BMAL2: variants seen among roughly 807,000 people sequenced by gnomAD.
The protein encoded by BMAL2 is basic helix-loop-helix ARNT like 2.
chr12:27,390,188 A>G, the BMAL2 span: 1 of 1,613,984 alleles, frequency 6.2e-7, no homozygotes, highest in East Asian at 2.2e-5. Context: ...AAAGAGTTGT[A>G]AAATCTCTGT....
chr12:27,395,414 C>T, the BMAL2 span, among the ~76,000 whole-genome samples: 2 of 152,172 alleles, frequency 1.3e-5, no homozygotes, highest in Admixed American at 6.5e-5. Context: ...GTCTAATAAT[C>T]TGCGGACTTT....
the BMAL2 span, chr12:27,385,368 G>A: frequency 3.3e-6 from 2 of 604,670 alleles, no homozygotes; most frequent in South Asian, 2.2e-5. Context: ...TACAGAAAAT[G>A]TCTTAGAATG....
chr12:27,361,517 C>G, the BMAL2 span, among the ~76,000 whole-genome samples: 6 of 152,064 alleles, frequency 3.9e-5, no homozygotes, highest in African/African-American at 9.7e-5. Flanking sequence ...CAAGGAAAGA[C>G]AATATCAAAA....
the BMAL2 span, among the ~76,000 whole-genome samples, chr12:27,417,021 ATTAT>A: frequency 5.9e-5 from 9 of 152,162 alleles, no homozygotes; most frequent in African/African-American, 2.2e-4. Flanking sequence ...CTTCTGCTTT[ATTAT>A]TTATTCATTT....
At chr12:27,395,478 A>G in the BMAL2 span, among the ~76,000 whole-genome samples, 1 of 152,204 alleles carries the variant, frequency 6.6e-6, no homozygotes, top group Non-Finnish European at 1.5e-5. Context: ...GTGGAACTGC[A>G]TAGCCCTGCT....
chr12:27,334,480 A>G, the BMAL2 span, among the ~76,000 whole-genome samples: 5 of 152,342 alleles, frequency 3.3e-5, no homozygotes, highest in South Asian at 4.1e-4. Flanking sequence ...TACAACTTCA[A>G]TTTGCTTTGT....
At chr12:27,402,213 CT>C in the BMAL2 span, among the ~76,000 whole-genome samples, 1 of 151,912 alleles carries the variant, frequency 6.6e-6, no homozygotes, top group African/African-American at 2.4e-5. Context: ...GTAAGTCTTA[CT>C]TTTTTTCTGT....
At chr12:27,418,265 C>CA in the BMAL2 span, 2 of 1,051,752 alleles carry the variant, frequency 1.9e-6, no homozygotes, top group Non-Finnish European at 2.8e-6. Context: ...ACTATGTTTT[C>CA]AGGCACAGGA....
At chr12:27,405,218 A>C in the BMAL2 span, among the ~76,000 whole-genome samples, 1 of 152,210 alleles carries the variant, frequency 6.6e-6, no homozygotes, top group African/African-American at 2.4e-5. Flanking sequence ...TGCAGACTTA[A>C]ATGTCCCTGT....
the BMAL2 span, among the ~76,000 whole-genome samples, chr12:27,398,383 C>T: frequency 1.8e-4 from 28 of 152,064 alleles, no homozygotes; most frequent in Admixed American, 1.1e-3. Flanking sequence ...CCTGTGGAGC[C>T]GATGTAAGTA....
At chr12:27,391,161 GTAGA>G in the BMAL2 span, among the ~76,000 whole-genome samples, 42 of 152,154 alleles carry the variant, frequency 2.8e-4, no homozygotes, top group Non-Finnish European at 5.3e-4. Context: ...ATAGTACCCA[GTAGA>G]TAGTTTTTCA....
chr12:27,389,230 G>A, the BMAL2 span: 1 of 1,612,992 alleles, frequency 6.2e-7, no homozygotes, highest in Non-Finnish European at 8.5e-7. Context: ...AAAAGATGTT[G>A]CCAAAGTAAA....
the BMAL2 span, among the ~76,000 whole-genome samples, chr12:27,336,645 T>A: frequency 3.9e-5 from 6 of 152,148 alleles, no homozygotes; most frequent in African/African-American, 1.4e-4. Context: ...ACCCAATTTT[T>A]TAACTTAAAA....
chr12:27,333,695 G>T, the BMAL2 span, among the ~76,000 whole-genome samples: 1 of 152,368 alleles, frequency 6.6e-6, no homozygotes, highest in African/African-American at 2.4e-5. Flanking sequence ...ATCGCAGCCC[G>T]CTCCGCGACA....
the BMAL2 span, among the ~76,000 whole-genome samples, chr12:27,384,087 G>C: frequency 2.6e-5 from 4 of 152,210 alleles, no homozygotes. Context: ...TAGGAGTCAA[G>C]AAGGTTGGGG....
chr12:27,420,429 G>A, the BMAL2 span: 16 of 1,613,986 alleles, frequency 9.9e-6, no homozygotes, highest in East Asian at 3.6e-4. Context: ...GATGCCCTAT[G>A]TGACAATGAT....
At chr12:27,359,041 C>T in the BMAL2 span, among the ~76,000 whole-genome samples, 3 of 151,898 alleles carry the variant, frequency 2.0e-5, no homozygotes, top group East Asian at 5.8e-4. Flanking sequence ...AACGCATTAC[C>T]ACAAACCTAT....
At chr12:27,355,546 C>T in the BMAL2 span, among the ~76,000 whole-genome samples, 3 of 152,154 alleles carry the variant, frequency 2.0e-5, no homozygotes, top group Non-Finnish European at 2.9e-5. Context: ...CTGTGATGTA[C>T]CATTTAACTA....
chr12:27,360,803 CAAAAAA>C, the BMAL2 span, among the ~76,000 whole-genome samples: 8 of 46,792 alleles, frequency 1.7e-4, no homozygotes, highest in East Asian at 7.7e-4. Context: ...GTGATTTGTC[CAAAAAA>C]AAAAAAAAAA....
Sources: gnomAD v4.1 joint callset for allele counts (sites outside exome capture counted in the v4.1 genomes callset) on GRCh38, gnomAD v4.1.1 for gene constraint, MANE v1.5 for transcripts, NCBI Gene and HGNC (gene_info 2026-07-23, HGNC 2026-07-21) for gene names.